Variants in DYNC1LI1 observed in about 807,000 individuals in gnomAD.
DYNC1LI1 encodes cytoplasmic dynein 1 light intermediate chain 1.
DYNC1LI1 carries 19 observed loss-of-function variants against 63.8 expected under a neutral mutation model. That is an observed-to-expected ratio of 0.30 (90% CI 0.21 to 0.44). DYNC1LI1 has a LOEUF of 0.44. Ranked by LOEUF, DYNC1LI1 falls within the 20% of genes least tolerant of loss-of-function variation. The probability of loss-of-function intolerance (pLI) is 1.00; values close to 1 mark genes in which losing one functional copy is unlikely to be tolerated. For synonymous variants in DYNC1LI1, 225 were observed against 232.3 expected (o/e 0.97, Z 0.28); for missense variants, 565 against 630.2 (o/e 0.90, Z 1.11).
rs1428347508 is a variant in DYNC1LI1 at position 32,537,968 on chromosome 3, ATAT to A, written c.739-867_739-865del. 0.011 allele frequency among the ~76,000 whole-genome samples: 29 copies of A among 2,674 alleles called. 2 individuals are homozygous for A. The South Asian group carries it at 0.2, about 19-fold the overall frequency. 1.8% of individuals were successfully genotyped at this position (2,674 alleles called of 152,430 possible). On this transcript the variant is annotated intron_variant, in intron 5 of 12. Transcript: ENST00000273130. Reference sequence around the variant, plus strand: ...TATATAATTTATATATATAATATATATATATTTATATATAATATATATATATAA... The same window carrying A: ...TATATAATTTATATATATAATATATAATTTATATATAATATATATATATAA...
chr3:32,548,639 T>C (rs1305940080), intron 2 of DYNC1LI1, among the ~76,000 whole-genome samples: 1 of 152,154 alleles, frequency 6.6e-6, no homozygotes, highest in African/African-American at 2.4e-5. Flanking sequence ...GGTTACAGAA[T>C]TTCAGTTAGA....
At position 32,553,446 on chromosome 3, in the gene DYNC1LI1, C is replaced by T. The variant is rs766758737; in HGVS notation, c.221-7481G>A. Among the ~76,000 whole-genome samples, 30 of 152,282 alleles carry T rather than the reference C, an allele frequency of 2.0e-4. No individual in the cohort carries two copies. In the East Asian group the frequency reaches 2.1e-3, roughly 11 times the overall value. On this transcript the variant is annotated intron_variant, in intron 2 of 12. Transcript: ENST00000273130. ...ATCCCTAAATGCAGGATACAAATTT[C>T]GTCCCCTTACCTACTTTGAGAGTAT...
intron 5 of DYNC1LI1, among the ~76,000 whole-genome samples, chr3:32,537,839 TG>T: frequency 1.6e-5 from 2 of 126,328 alleles, no homozygotes; most frequent in East Asian, 4.3e-4. Flanking sequence ...AATATTAGTT[TG>T]GGGTTAAATC....
intron 2 of DYNC1LI1, among the ~76,000 whole-genome samples, chr3:32,553,972 G>A (rs1163707787): frequency 3.9e-5 from 6 of 152,200 alleles, no homozygotes; most frequent in African/African-American, 1.2e-4. Context: ...AGGAGGCAAG[G>A]CTAGGCATTT....
rs78733126 is a variant in DYNC1LI1, at chr3:32,528,959, G to T, written c.1307-358C>A. Among the ~76,000 whole-genome samples the T allele has an allele frequency of 9.0e-3, 1,364 of 152,156 alleles. 30 individuals are homozygous for T. The highest frequency in any genetic ancestry group is 0.031 in the African/African-American group (1,295 of 41,514). On this transcript the variant is annotated intron_variant, in intron 11 of 12. Coordinates refer to ENST00000273130, the MANE Select transcript of DYNC1LI1 (RefSeq NM_016141.4). ...AGTTACAGAATCCTATATGAAAACC[G>T]GTAGAAGTTGCCAGAGATAAATGGG...
chr3:32,526,469 C>T lies in DYNC1LI1; in HGVS notation c.*330G>A. ...GCATGTTTTCTGCCGTTCCCCAAAT[C>T]CTTTTACATGTTTTAAATAGCCTTT... On this transcript the variant is annotated 3_prime_UTR_variant, in exon 13 of 13. Transcript: ENST00000273130. 1 of 164,236 alleles carries T rather than the reference C, an allele frequency of 6.1e-6. No individual in the cohort carries two copies. 10.2% of individuals were successfully genotyped at this position (164,236 alleles called of 1,614,324 possible).
At chr3:32,566,538 C>T (rs575745422) in intron 2 of DYNC1LI1, 5 of 218,980 alleles carry the variant, frequency 2.3e-5, no homozygotes, top group Admixed American at 1.1e-4. Flanking sequence ...GTCAGGAGTT[C>T]GAGACCAGCC....
chr3:32,560,160 C>T (rs896974667), intron 2 of DYNC1LI1, among the ~76,000 whole-genome samples: 4 of 152,304 alleles, frequency 2.6e-5, no homozygotes, highest in South Asian at 2.1e-4. Flanking sequence ...GAAGGCCAGG[C>T]GTGGTGGCTC....
At chr3:32,537,518 C>G (rs146082059) in intron 5 of DYNC1LI1, among the ~76,000 whole-genome samples, 1 of 152,006 alleles carries the variant, frequency 6.6e-6, no homozygotes, top group Non-Finnish European at 1.5e-5. Flanking sequence ...GTCTCTACTT[C>G]TCACCATTTC....
intron 7 of DYNC1LI1, 101 bp downstream of exon 7, chr3:32,534,410 A>G (rs1697747303): frequency 9.7e-6 from 8 of 823,862 alleles, no homozygotes; most frequent in Non-Finnish European, 1.3e-5. Context: ...CTTTCTCATC[A>G]TGGAAGGTCT....
chr3:32,528,531 T>C lies in DYNC1LI1; in HGVS notation c.1377A>G (p.Pro459=). ...TACCACCACTCACACCAGGGCCTCC[T>C]GGAGAGCCAGTCTTTTTACTCAACA... ...NSLLSKKTGS[P]GGPGVSGGSP... is the part of the protein sequence containing the mutation. The change falls in exon 12 of 13, where the codon CCA becomes CCG. Residue 459 remains proline (P), a synonymous_variant. Transcript: ENST00000273130. The C allele has an allele frequency of 1.2e-6, 2 of 1,614,062 alleles. No individual in the cohort carries two copies. The highest frequency in any genetic ancestry group is 1.7e-6 in the Non-Finnish European group (2 of 1,179,936).
At position 32,526,267 on chromosome 3, in the gene DYNC1LI1, C is replaced by T. The variant is rs553600006; in HGVS notation, c.*532G>A. 2.6e-5 allele frequency: 4 copies of T among 152,762 alleles called. No individual in the cohort carries two copies. The highest frequency in any genetic ancestry group is 4.8e-5 in the African/African-American group (2 of 41,550). 9.5% of individuals were successfully genotyped at this position (152,762 alleles called of 1,614,324 possible). A position where few individuals can be genotyped will look rare whatever the true frequency, so the allele number is the denominator to read the frequency against. The stretch of plus-strand genomic sequence containing the variant: ...TTGAGACAATGACTAGTGTATCAAA[C>T]GCTATCTGATAGTTTTCTTAGCATA... On this transcript the variant is annotated 3_prime_UTR_variant, in exon 13 of 13. Transcript: ENST00000273130.
intron 2 of DYNC1LI1, among the ~76,000 whole-genome samples, chr3:32,553,562 A>C (rs2125441759): frequency 6.6e-6 from 1 of 152,360 alleles, no homozygotes; most frequent in Admixed American, 6.5e-5. Flanking sequence ...GTCTCCACAC[A>C]ATAAATATTA....
chr3:32,553,134 G>A (rs1698066986), intron 2 of DYNC1LI1, among the ~76,000 whole-genome samples: 1 of 152,122 alleles, frequency 6.6e-6, no homozygotes, highest in Admixed American at 6.5e-5. Context: ...AGGAGTTGAA[G>A]GCCAGTCTGG....
intron 2 of DYNC1LI1, among the ~76,000 whole-genome samples, chr3:32,564,357 G>C (rs1341446873): frequency 1.3e-5 from 2 of 152,064 alleles, no homozygotes; most frequent in Non-Finnish European, 2.9e-5. Flanking sequence ...AAACACAGAG[G>C]TTCACAAACT....
chr3:32,564,004 A>G (rs947701401), intron 2 of DYNC1LI1, among the ~76,000 whole-genome samples: 2 of 152,252 alleles, frequency 1.3e-5, no homozygotes, highest in African/African-American at 4.8e-5. Flanking sequence ...ACTGACGCCA[A>G]TAATCCCCTA....
At chr3:32,570,314 G>T in intron 2 of DYNC1LI1, 32 bp downstream of exon 2, 1 of 1,516,642 alleles carries the variant, frequency 6.6e-7, no homozygotes, top group Non-Finnish European at 9.0e-7. Flanking sequence ...GCTGGGGGCC[G>T]GGCGGGGCGG....
Position 32,552,016 on chromosome 3 carries a change from C to A in DYNC1LI1, c.221-6051G>T, listed in dbSNP as rs186466319. ...TACTAGTCATTACTACTGGATGTCCCATGAATACCTCACATTTCAATATGC... is the reference window on the plus strand; with the variant it reads ...TACTAGTCATTACTACTGGATGTCCAATGAATACCTCACATTTCAATATGC... On this transcript the variant is annotated intron_variant, in intron 2 of 12. Transcript: ENST00000273130. 4.3e-3 allele frequency among the ~76,000 whole-genome samples: 650 copies of A among 152,278 alleles called. 5 individuals are homozygous for A. The highest frequency in any genetic ancestry group is 0.015 in the African/African-American group (626 of 41,560).
chr3:32,527,719 C>T (rs1212912662), intron 12 of DYNC1LI1, among the ~76,000 whole-genome samples: 1 of 152,026 alleles, frequency 6.6e-6, no homozygotes, highest in Non-Finnish European at 1.5e-5. Flanking sequence ...CAAAGCAGCA[C>T]CATATTAATA....
Sources: gnomAD v4.1 joint callset for allele counts (sites outside exome capture counted in the v4.1 genomes callset) on GRCh38, gnomAD v4.1.1 for gene constraint, MANE v1.5 for transcripts, NCBI Gene and HGNC (gene_info 2026-07-23, HGNC 2026-07-21) for gene names.